The following NWD1 variants were observed in gnomAD, a reference collection of about 807,000 sequenced individuals.
NWD1 encodes the protein NACHT and WD repeat domain containing 1, also known as NACHT domain- and WD repeat-containing protein 1.
In NWD1, 129 loss-of-function variants were observed where a neutral mutation model predicts 135.1. That is an observed-to-expected ratio of 0.96 (90% CI 0.83 to 1.11). The LOEUF (loss-of-function observed/expected upper bound fraction) is 1.11, where lower values mean the gene tolerates loss of function less well. Ranked by LOEUF, NWD1 falls within the 50% of genes least tolerant of loss-of-function variation. The probability of loss-of-function intolerance (pLI) is 0.00; values close to 1 mark genes in which losing one functional copy is unlikely to be tolerated. For missense variants in NWD1, 1,740 were observed against 1,851.3 expected, an observed-to-expected ratio of 0.94 and a Z score of 1.10; for synonymous variants, 773 against 786.0, an observed-to-expected ratio of 0.98 and a Z score of 0.28.
intron 17 of NWD1, 141 bp downstream of exon 17, chr19:16,800,303 G>A (rs1448653132): frequency 2.4e-6 from 2 of 816,450 alleles, no homozygotes; most frequent in Non-Finnish European, 3.8e-6. Context: ...GGAGGCCTTG[G>A]CGGGTGGATC....
At chr19:16,790,320 G>A (rs1568382890) in intron 13 of NWD1, among the ~76,000 whole-genome samples, 1 of 152,066 alleles carries the variant, frequency 6.6e-6, no homozygotes, top group African/African-American at 2.4e-5. Context: ...TTAGCACACT[G>A]TAAGCACCAA....
At chr19:16,720,822 G>A (rs1465383391) in intron 1 of NWD1, among the ~76,000 whole-genome samples, 1 of 151,946 alleles carries the variant, frequency 6.6e-6, no homozygotes, top group Non-Finnish European at 1.5e-5. Context: ...CAAAGTGCTG[G>A]GATTACAGGC....
Position 16,807,728 on chromosome 19 carries a change from TC to T in NWD1, c.3884del (p.Pro1295LeufsTer13). On this transcript the variant is annotated frameshift_variant, in exon 18 of 19. Coordinates refer to ENST00000524140, the MANE Select transcript of NWD1 (RefSeq NM_001007525.5). LOFTEE classifies it high-confidence loss of function. ...LNSRQDVICI[P>X]PPEARKAINC... is the part of the protein sequence containing the mutation. ...ATTCCAGGCAGGACGTGATATGCATTCCCCCTCCCGAGGCCCGGAAAGCAAT... is the reference window on the plus strand; with the variant it reads ...ATTCCAGGCAGGACGTGATATGCATTCCCCTCCCGAGGCCCGGAAAGCAAT... 2.5e-6 allele frequency: 4 copies of T among 1,613,198 alleles called. No individual in the cohort carries two copies. The highest frequency in any genetic ancestry group is 3.4e-6 in the Non-Finnish European group (4 of 1,179,490).
chr19:16,751,416 G>A (rs1968573388), intron 6 of NWD1, among the ~76,000 whole-genome samples: 2 of 151,234 alleles, frequency 1.3e-5, no homozygotes, highest in Non-Finnish European at 1.5e-5. Flanking sequence ...AGACAGAAAG[G>A]AAGAGTGAAA....
chr19:16,744,305 AG>A, intron 4 of NWD1, 115 bp from the exon 5 acceptor site: 1 of 765,752 alleles, frequency 1.3e-6, no homozygotes, highest in East Asian at 2.7e-5. Flanking sequence ...TAAACCCAGG[AG>A]GTTGAGGCTG....
chr19:16,726,142 A>G (rs1253587257), intron 2 of NWD1, among the ~76,000 whole-genome samples: 1 of 151,734 alleles, frequency 6.6e-6, no homozygotes, highest in African/African-American at 2.4e-5. Flanking sequence ...TTGTATTTTT[A>G]GAAGAGACAG....
chr19:16,813,094 C>A (rs1362884762), intron 18 of NWD1, among the ~76,000 whole-genome samples: 1 of 152,182 alleles, frequency 6.6e-6, no homozygotes, highest in Non-Finnish European at 1.5e-5. Flanking sequence ...CTGCATACAG[C>A]CATCCTTCCG....
chr19:16,727,996 G>A (rs1206477351), intron 2 of NWD1, among the ~76,000 whole-genome samples: 1 of 151,688 alleles, frequency 6.6e-6, no homozygotes, highest in African/African-American at 2.4e-5. Context: ...GGGAGGCAGA[G>A]GTTGCAGTGA....
chr19:16,784,767 A>G (rs770791257), intron 12 of NWD1, among the ~76,000 whole-genome samples: 91 of 152,040 alleles, frequency 6.0e-4, no homozygotes, highest in Non-Finnish European at 2.9e-4. Flanking sequence ...TGTCTCTACT[A>G]AAAATACAAA....
intron 11 of NWD1, among the ~76,000 whole-genome samples, chr19:16,778,535 G>T (rs1969743801): frequency 7.4e-6 from 1 of 134,356 alleles, no homozygotes. Flanking sequence ...TTGAGACAGA[G>T]TCTCCCTCTC....
Position 16,731,242 on chromosome 19 carries a change from C to A in NWD1, c.45C>A (p.Cys15Ter). 2 of 1,534,432 alleles carry A rather than the reference C, an allele frequency of 1.3e-6. No homozygotes were observed. Among genetic ancestry groups the A allele is most frequent in the Non-Finnish European group, 1.7e-6 (2 of 1,145,278 alleles). Residue 15 changes from cysteine (C) to a stop codon, truncating the protein, a stop_gained, in exon 3 of 19, where the codon TGC (cysteine) becomes TGA (stop). Transcript: ENST00000524140. LOFTEE classifies it high-confidence loss of function. ...GCAGAGCACTGCCTACCCTGAAGTGCCAGACCTTCTGCCAGAGGCACGGCT... is the reference window on the plus strand; with the variant it reads ...GCAGAGCACTGCCTACCCTGAAGTGACAGACCTTCTGCCAGAGGCACGGCT... The part of the protein sequence containing the change: ...KPCRALPTLK[C>*]QTFCQRHGLM...
intron 17 of NWD1, among the ~76,000 whole-genome samples, chr19:16,805,149 C>G (rs1475898409): frequency 6.6e-6 from 1 of 151,986 alleles, no homozygotes; most frequent in Admixed American, 6.6e-5. Context: ...ACCTCCGCCT[C>G]CCGGGTTCAA....
At chr19:16,763,277 C>T (rs1038564907) in intron 8 of NWD1, among the ~76,000 whole-genome samples, 1 of 152,230 alleles carries the variant, frequency 6.6e-6, no homozygotes, top group Admixed American at 6.5e-5. Context: ...ACCATCCAAT[C>T]TGATTATGAT....
At chr19:16,788,218 A>C (rs1314145907) in intron 12 of NWD1, among the ~76,000 whole-genome samples, 1 of 141,374 alleles carries the variant, frequency 7.1e-6, no homozygotes, top group Non-Finnish European at 1.5e-5. Flanking sequence ...CAACAAGAGC[A>C]AAACTTCATC....
chr19:16,767,583 C>T (rs1027697641), intron 10 of NWD1, among the ~76,000 whole-genome samples: 7 of 151,816 alleles, frequency 4.6e-5, no homozygotes, highest in African/African-American at 1.7e-4. Context: ...CCATGCACTC[C>T]AGCCTGGGTG....
At chr19:16,784,865 G>A (rs531200223) in intron 12 of NWD1, among the ~76,000 whole-genome samples, 1 of 138,658 alleles carries the variant, frequency 7.2e-6, no homozygotes, top group African/African-American at 3.4e-5. Flanking sequence ...GGGGGCGGAG[G>A]TTGCAGTGAG....
At chr19:16,796,449 A>C (rs1970419363) in intron 15 of NWD1, among the ~76,000 whole-genome samples, 1 of 152,068 alleles carries the variant, frequency 6.6e-6, no homozygotes, top group Non-Finnish European at 1.5e-5. Context: ...ATTCAGAAAG[A>C]ATCAATCAGG....
At chr19:16,744,915 G>A (rs1968242879) in intron 5 of NWD1, 197 bp downstream of exon 5, 2 of 657,106 alleles carry the variant, frequency 3.0e-6, no homozygotes, top group Admixed American at 2.2e-5. Flanking sequence ...ATCAATCTTG[G>A]TCTCAGGATC....
At chr19:16,753,859 A>G (rs1968675800) in intron 6 of NWD1, among the ~76,000 whole-genome samples, 1 of 141,972 alleles carries the variant, frequency 7.0e-6, no homozygotes, top group Admixed American at 7.0e-5. Flanking sequence ...CCATCCATCC[A>G]TCCATCCATT....
Sources: gnomAD v4.1 joint callset for allele counts (sites outside exome capture counted in the v4.1 genomes callset) on GRCh38, gnomAD v4.1.1 for gene constraint, MANE v1.5 for transcripts, NCBI Gene and HGNC (gene_info 2026-07-23, HGNC 2026-07-21) for gene names.